Variants in NLRP13 observed in about 807,000 individuals in gnomAD.
The protein encoded by NLRP13 is NLR family pyrin domain containing 13.
NLRP13 carries 82 observed loss-of-function variants against 94.4 expected under a neutral mutation model. That is an observed-to-expected ratio of 0.87 (90% CI 0.73 to 1.04). NLRP13 has a LOEUF of 1.04. Among genes scored for constraint, NLRP13 ranks in the 50% least tolerant of loss-of-function variants. The pLI is 0.00. For missense variants in NLRP13, 1,426 were observed against 1,230.8 expected, an observed-to-expected ratio of 1.16 and a Z score of -2.37; for synonymous variants, 553 against 464.7, an observed-to-expected ratio of 1.19 and a Z score of -2.45.
rs760191163 is a variant in NLRP13, at chr19:55,902,000, C to T, written c.2789+35G>A. On this transcript the variant is annotated intron_variant, in intron 9 of 10. Transcript: ENST00000342929. The stretch of plus-strand genomic sequence containing the variant: ...TGGGTCAATTCCCATGGCTCTCCTC[C>T]ATCTGCCAACTCAGAGGGAGCCAAG... 3.7e-6 allele frequency: 6 copies of T among 1,608,700 alleles called. No homozygotes were observed. The South Asian group carries it at 6.6e-5, about 18-fold the overall frequency.
chr19:55,921,252 C>G (rs1458524154), intron 4 of NLRP13, among the ~76,000 whole-genome samples: 2 of 152,088 alleles, frequency 1.3e-5, no homozygotes, highest in African/African-American at 4.8e-5. Context: ...GGAATGCAAA[C>G]CACATATTGA....
In NLRP13 at chr19:55,905,025, C is replaced by T. The variant is rs1269535932; in HGVS notation, c.2535G>A (p.Leu845=). ...TSIQHVTRLC[L]GFNRLQDDGI... ...CATCATCTTGGAGCCGATTAAATCC[C>T]AGGCACAATCGAGTTACGTGTTGGA... is the stretch of plus-strand genomic sequence containing the variant. Residue 845 remains leucine (L), a synonymous_variant, in exon 8 of 11, where the codon CTG becomes CTA. Transcript: ENST00000342929. The T allele has an allele frequency of 1.2e-6, 2 of 1,613,804 alleles. No individual in the cohort carries two copies. The highest frequency in any genetic ancestry group is 1.1e-5 in the South Asian group (1 of 91,042).
In NLRP13 at chr19:55,912,075, C is replaced by T; in HGVS notation, c.1742G>A (p.Trp581Ter). The T allele has an allele frequency of 1.2e-6, 2 of 1,614,136 alleles. No individual in the cohort carries two copies. Among genetic ancestry groups the T allele is most frequent in the Non-Finnish European group, 8.5e-7 (1 of 1,180,024 alleles). ...QHVLLDKEAY[W>*]TPVVLFFFGL... The stretch of plus-strand genomic sequence containing the variant: ...AAAGAAGAACAGAACCACTGGAGTC[C>T]AGTAGGCTTCTTTGTCAAGCAAGAC... Residue 581 changes from tryptophan (W) to a stop codon, truncating the protein, a stop_gained, in exon 5 of 11, where the codon TGG (tryptophan) becomes TAG (stop). Coordinates refer to ENST00000342929, the MANE Select transcript of NLRP13 (RefSeq NM_176810.2). LOFTEE classifies it high-confidence loss of function.
chr19:55,904,285 T>G (rs1302154071), intron 8 of NLRP13, among the ~76,000 whole-genome samples: 2 of 152,080 alleles, frequency 1.3e-5, no homozygotes, highest in African/African-American at 4.8e-5. Context: ...GATGGGGTTT[T>G]GCCATGTTGG....
At chr19:55,897,960 G>T (rs112830124) in intron 10 of NLRP13, among the ~76,000 whole-genome samples, 4 of 152,010 alleles carry the variant, frequency 2.6e-5, no homozygotes, top group African/African-American at 9.7e-5. Context: ...AAAATCCTAC[G>T]GTTCAGAGCA....
intron 3 of NLRP13, among the ~76,000 whole-genome samples, chr19:55,924,297 A>G (rs972530630): frequency 7.9e-5 from 12 of 151,854 alleles, no homozygotes; most frequent in Non-Finnish European, 1.6e-4. Flanking sequence ...TGATTTTTGT[A>G]TTTTTAGTAG....
chr19:55,897,842 G>T (rs560824122), intron 10 of NLRP13, among the ~76,000 whole-genome samples: 6 of 152,104 alleles, frequency 3.9e-5, no homozygotes, highest in African/African-American at 1.4e-4. Flanking sequence ...AATTTGAGTC[G>T]GTTCATTTGA....
At chr19:55,909,947 C>T (rs995206480) in intron 6 of NLRP13, among the ~76,000 whole-genome samples, 1 of 152,130 alleles carries the variant, frequency 6.6e-6, no homozygotes, top group Non-Finnish European at 1.5e-5. Context: ...GCCTTTCCTA[C>T]CTAAAAAATG....
At chr19:55,898,686 T>G in intron 10 of NLRP13, 84 bp downstream of exon 10, 2 of 1,375,196 alleles carry the variant, frequency 1.5e-6, no homozygotes, top group Non-Finnish European at 2.0e-6. Flanking sequence ...CCTCACTTTC[T>G]AACCCCCGAT....
intron 1 of NLRP13, among the ~76,000 whole-genome samples, chr19:55,930,176 TAG>T (rs1987076348): frequency 6.6e-6 from 1 of 152,052 alleles, no homozygotes; most frequent in African/African-American, 2.4e-5. Flanking sequence ...CATTTGAGGG[TAG>T]GAGAAGCTGT....
chr19:55,907,249 C>T lies in NLRP13; in HGVS notation c.2447+543G>A, dbSNP rs368168560. On this transcript the variant is annotated intron_variant, in intron 7 of 10. Coordinates refer to ENST00000342929, the MANE Select transcript of NLRP13 (RefSeq NM_176810.2). ...CCGGGATTACAGGCATGAGCCACCA[C>T]ACCTGGCCTGGAATCTGTATTTTAA... 2.0e-4 allele frequency among the ~76,000 whole-genome samples: 31 copies of T among 152,276 alleles called. No individual in the cohort carries two copies. In the Middle Eastern group the frequency reaches 0.014, roughly 67 times the overall value.
intron 1 of NLRP13, among the ~76,000 whole-genome samples, chr19:55,928,850 C>T (rs745769919): frequency 6.6e-6 from 1 of 152,102 alleles, no homozygotes; most frequent in Non-Finnish European, 1.5e-5. Context: ...AGTGTACAGG[C>T]AACCTGCAGA....
chr19:55,920,808 A>T (rs149920077), intron 4 of NLRP13, among the ~76,000 whole-genome samples: 599 of 152,298 alleles, frequency 3.9e-3, no homozygotes, highest in African/African-American at 0.013. Flanking sequence ...TCCTGTGTTT[A>T]TTGCAGCAGT....
At chr19:55,920,901 T>C (rs923431546) in intron 4 of NLRP13, among the ~76,000 whole-genome samples, 1 of 152,166 alleles carries the variant, frequency 6.6e-6, no homozygotes, top group East Asian at 1.9e-4. Context: ...TATGTATGTA[T>C]GTATGTATAC....
In NLRP13 at chr19:55,913,121, G is replaced by C; in HGVS notation, c.696C>G (p.Val232=). The C allele has an allele frequency of 1.2e-6, 2 of 1,614,110 alleles. No homozygotes were observed. The highest frequency in any genetic ancestry group is 1.7e-6 in the Non-Finnish European group (2 of 1,180,016). ...TCCCAACCCCTGCCCTCCCCACCAA[G>C]ACTATCGTCTGGGCCTGGGCTCTAG... is the stretch of plus-strand genomic sequence containing the variant. ...NRTRAQAQTI[V]LVGRAGVGKT... The change falls in exon 5 of 11, where the codon GTC becomes GTG. Residue 232 remains valine, a synonymous_variant. Transcript: ENST00000342929.
At chr19:55,907,658 A>G in intron 7 of NLRP13, 134 bp downstream of exon 7, 2 of 818,760 alleles carry the variant, frequency 2.4e-6, no homozygotes, top group East Asian at 2.5e-5. Flanking sequence ...ACACATAGGA[A>G]CATTCTCCTT....
chr19:55,929,104 C>T lies in NLRP13; in HGVS notation c.319+2889G>A, dbSNP rs532044751. Among the ~76,000 whole-genome samples, 114 of 152,150 alleles carry T rather than the reference C, an allele frequency of 7.5e-4. No homozygotes were observed. In the Middle Eastern group the frequency reaches 0.01, roughly 14 times the overall value. On this transcript the variant is annotated intron_variant, in intron 1 of 10. Coordinates refer to ENST00000342929, the MANE Select transcript of NLRP13 (RefSeq NM_176810.2). ...TACCATCTCACGCCAGTTAGGATGG[C>T]GATCATTGAAAAGTCAGGAAACAGA...
At chr19:55,916,038 A>G (rs1986666373) in intron 4 of NLRP13, among the ~76,000 whole-genome samples, 1 of 152,202 alleles carries the variant, frequency 6.6e-6, no homozygotes, top group Non-Finnish European at 1.5e-5. Flanking sequence ...ACCTGGCCCC[A>G]CAGGAGACCA....
chr19:55,911,138 CAG>C (rs1237467370), intron 5 of NLRP13, among the ~76,000 whole-genome samples: 2 of 152,146 alleles, frequency 1.3e-5, no homozygotes, highest in African/African-American at 4.8e-5. Context: ...CAGATGGAGA[CAG>C]AGAAAGATGA....
Sources: allele counts gnomAD v4.1 joint callset (sites outside exome capture counted in the v4.1 genomes callset), GRCh38; gene constraint gnomAD v4.1.1; transcripts MANE v1.5; gene names NCBI Gene and HGNC (gene_info 2026-07-23, HGNC 2026-07-21).